Variants in FAM184B observed in about 807,000 individuals in gnomAD.
FAM184B encodes protein FAM184B.
A neutral mutation model predicts 135.9 loss-of-function variants in FAM184B; 111 were observed. That is an observed-to-expected ratio of 0.82 (90% confidence interval 0.70 to 0.96). The LOEUF is 0.96. FAM184B is among the 40% of genes least tolerant of loss of function. The pLI, the probability that FAM184B is intolerant of heterozygous loss-of-function variation, is 0.00. For missense variants in FAM184B, 1,375 were observed against 1,323.9 expected (o/e 1.04, Z -0.60); for synonymous variants, 552 against 524.8 (o/e 1.05, Z -0.71).
At chr4:17,662,194 T>C (rs554282814) in intron 8 of FAM184B, among the ~76,000 whole-genome samples, 8 of 152,348 alleles carry the variant, frequency 5.3e-5, no homozygotes, top group African/African-American at 1.7e-4. Context: ...TTTTTGTTGC[T>C]GTGTAGTATT....
At chr4:17,698,387 G>A (rs1034718672) in intron 5 of FAM184B, among the ~76,000 whole-genome samples, 1 of 148,816 alleles carries the variant, frequency 6.7e-6, no homozygotes, top group East Asian at 2.1e-4. Context: ...AGGTAATTAA[G>A]GAAAAGAGAT....
At position 17,766,495 on chromosome 4, in the gene FAM184B, C is replaced by T. The variant is rs184069510; in HGVS notation, c.141+14664G>A. 5.9e-4 allele frequency among the ~76,000 whole-genome samples: 89 copies of T among 152,020 alleles called. No individual in the cohort carries two copies. In the East Asian group the frequency reaches 0.011, roughly 18 times the overall value. On this transcript the variant is annotated intron_variant, in intron 1 of 17. Coordinates refer to ENST00000265018, the MANE Select transcript of FAM184B (RefSeq NM_015688.2). ...GTGCATTTACAAACCTTGAGCTAGA[C>T]GCAGAATGCTGATTGGTGTATTTAC... is the stretch of plus-strand genomic sequence containing the variant.
At chr4:17,768,166 T>C (rs1718739674) in intron 1 of FAM184B, among the ~76,000 whole-genome samples, 1 of 152,260 alleles carries the variant, frequency 6.6e-6, no homozygotes, top group Non-Finnish European at 1.5e-5. Flanking sequence ...TTTCAAATTA[T>C]TTCTTCAAAG....
At chr4:17,718,515 C>T (rs957411798) in intron 1 of FAM184B, among the ~76,000 whole-genome samples, 2 of 152,172 alleles carry the variant, frequency 1.3e-5, no homozygotes, top group South Asian at 2.1e-4. Context: ...TAATAATCTT[C>T]GCCCTTTCTT....
chr4:17,652,690 G>A, intron 11 of FAM184B, 140 bp downstream of exon 11: 1 of 1,009,822 alleles, frequency 9.9e-7, no homozygotes, highest in Non-Finnish European at 1.4e-6. Flanking sequence ...CTGGAGCCCT[G>A]GCCTGTGAGC....
chr4:17,769,913 G>T (rs971179017), intron 1 of FAM184B, among the ~76,000 whole-genome samples: 1 of 152,162 alleles, frequency 6.6e-6, no homozygotes, highest in Non-Finnish European at 1.5e-5. Context: ...AAGGCAGATG[G>T]AGCTGAGATA....
At chr4:17,704,902 TA>T in intron 5 of FAM184B, 97 bp downstream of exon 5, 1 of 1,045,052 alleles carries the variant, frequency 9.6e-7, no homozygotes, top group Non-Finnish European at 1.4e-6. Context: ...AGGAGCTCAG[TA>T]AATGTTTGAG....
At chr4:17,777,460 A>T (rs1044153670) in intron 1 of FAM184B, among the ~76,000 whole-genome samples, 3 of 152,222 alleles carry the variant, frequency 2.0e-5, no homozygotes, top group African/African-American at 7.2e-5. Context: ...ATTTTATGGT[A>T]TGTAAATTAT....
At chr4:17,697,185 T>C (rs137988108) in intron 5 of FAM184B, among the ~76,000 whole-genome samples, 33 of 152,208 alleles carry the variant, frequency 2.2e-4, no homozygotes, top group African/African-American at 7.9e-4. Context: ...TCCACAGTCA[T>C]TGAAGAAGCA....
intron 5 of FAM184B, among the ~76,000 whole-genome samples, chr4:17,702,931 C>T (rs1035469710): frequency 1.3e-5 from 2 of 152,282 alleles, no homozygotes; most frequent in Non-Finnish European, 2.9e-5. Context: ...AGAAAAAATG[C>T]TTTCAATACA....
chr4:17,648,480 G>A (rs1715524833), intron 11 of FAM184B, among the ~76,000 whole-genome samples: 2 of 151,252 alleles, frequency 1.3e-5, no homozygotes, highest in Admixed American at 1.3e-4. Flanking sequence ...CGGAGTAGCT[G>A]GGACCAGGCA....
Position 17,679,449 on chromosome 4 carries a change from G to T in FAM184B, c.1596+8975C>A, listed in dbSNP as rs537374052. 8.1e-4 allele frequency among the ~76,000 whole-genome samples: 124 copies of T among 152,226 alleles called. 1 individual carries two copies. The highest frequency in any genetic ancestry group is 2.9e-3 in the African/African-American group (120 of 41,536). Reference sequence around the variant, plus strand: ...CAACATCACTAATGATCACGGAAATGCAAATCAAAACCACCCTGTGATACC... The same window carrying T: ...CAACATCACTAATGATCACGGAAATTCAAATCAAAACCACCCTGTGATACC... On this transcript the variant is annotated intron_variant, in intron 7 of 17. Coordinates refer to ENST00000265018, the MANE Select transcript of FAM184B (RefSeq NM_015688.2).
intron 1 of FAM184B, among the ~76,000 whole-genome samples, chr4:17,776,036 T>C (rs1410120047): frequency 1.3e-5 from 2 of 152,182 alleles, no homozygotes; most frequent in African/African-American, 4.8e-5. Flanking sequence ...TTTGGATACA[T>C]TGATATAGTA....
chr4:17,756,558 T>C (rs1414181464), intron 1 of FAM184B, among the ~76,000 whole-genome samples: 1 of 152,236 alleles, frequency 6.6e-6, no homozygotes, highest in African/African-American at 2.4e-5. Flanking sequence ...GCTTTTCCAA[T>C]ATGAACCGTA....
intron 1 of FAM184B, among the ~76,000 whole-genome samples, chr4:17,722,826 T>C (rs1717559659): frequency 6.6e-6 from 1 of 152,212 alleles, no homozygotes; most frequent in African/African-American, 2.4e-5. Context: ...ACCTGGTTAA[T>C]AAACATGTGT....
chr4:17,746,671 G>T (rs1718172718), intron 1 of FAM184B, among the ~76,000 whole-genome samples: 1 of 151,182 alleles, frequency 6.6e-6, no homozygotes, highest in Admixed American at 6.6e-5. Context: ...GGTGGAGCTT[G>T]CAGTGAGCTG....
intron 1 of FAM184B, among the ~76,000 whole-genome samples, chr4:17,716,264 C>G (rs1717399928): frequency 6.6e-6 from 1 of 152,196 alleles, no homozygotes. Context: ...CACATCCTCT[C>G]TTTTCTCCAC....
At chr4:17,679,179 T>C (rs2108951670) in intron 7 of FAM184B, among the ~76,000 whole-genome samples, 1 of 152,144 alleles carries the variant, frequency 6.6e-6, no homozygotes, top group Admixed American at 6.6e-5. Context: ...ATAAATAGAT[T>C]GGACTTCATT....
At chr4:17,655,115 G>C (rs4698199) in intron 10 of FAM184B, among the ~76,000 whole-genome samples, 79,559 of 152,048 alleles carry the variant, frequency 0.52, 23,404 homozygotes, top group East Asian at 0.88. Flanking sequence ...CAAAGTTCTG[G>C]GATTACAGGC....
Sources: allele counts gnomAD v4.1 joint callset (sites outside exome capture counted in the v4.1 genomes callset), GRCh38; gene constraint gnomAD v4.1.1; transcripts MANE v1.5; gene names NCBI Gene and HGNC (gene_info 2026-07-23, HGNC 2026-07-21).